The following INF2 variants were observed in gnomAD, a reference collection of about 807,000 sequenced individuals.
The protein encoded by INF2 is inverted formin 2, also known as inverted formin-2.
INF2 carries 43 observed loss-of-function variants against 123.5 expected under a neutral mutation model. That is an observed-to-expected ratio of 0.35 (90% confidence interval 0.27 to 0.45). INF2 has a LOEUF of 0.45. Ranked by LOEUF, INF2 falls within the 20% of genes least tolerant of loss-of-function variation. The pLI is 1.00. For synonymous variants in INF2, 851 were observed against 745.0 expected (o/e 1.14, Z -2.32); for missense variants, 1,453 against 1,682.7 (o/e 0.86, Z 2.39).
chr14:104,706,900 G>GC lies in INF2; in HGVS notation c.844-7dup. The GC allele has an allele frequency of 1.2e-6, 2 of 1,603,120 alleles. 1 individual carries two copies. The highest frequency in any genetic ancestry group is 2.2e-5 in the South Asian group (2 of 90,946). ...GGCTGCTGACCTGCACCCCACACTC[G>GC]CCCGTCCAGGTGAGCTGCTCCCCGG... On this transcript the variant is annotated splice_polypyrimidine_tract_variant and intron_variant, in intron 6 of 22. Transcript: ENST00000392634.
rs957948959 is a variant in INF2, at chr14:104,711,576, C to T, written c.2419-53C>T. The T allele has an allele frequency of 2.6e-6, 4 of 1,524,438 alleles. No individual in the cohort carries two copies. The South Asian group carries it at 3.4e-5, about 13-fold the overall frequency. 94.4% of individuals were successfully genotyped at this position (1,524,438 alleles called of 1,614,324 possible). On this transcript the variant is annotated intron_variant, in intron 15 of 22. Transcript: ENST00000392634. ...CTGGGGGAGTGGGAACAGGGTCATC[C>T]CCAGGTGGAGAGTATGACCACAGTG... is the stretch of plus-strand genomic sequence containing the variant.
intron 2 of INF2, among the ~76,000 whole-genome samples, chr14:104,702,376 G>T (rs574598163): frequency 6.6e-6 from 1 of 151,098 alleles, no homozygotes; most frequent in African/African-American, 2.5e-5. Flanking sequence ...GTCCTGCGCC[G>T]CTAAGCCTTT....
At chr14:104,712,577 G>A in intron 17 of INF2, 24 bp downstream of exon 17, 1 of 1,612,466 alleles carries the variant, frequency 6.2e-7, no homozygotes, top group Non-Finnish European at 8.5e-7. Context: ...TGGGCCTGGG[G>A]CTGGCGGGAG....
At position 104,692,966 on chromosome 14, in the gene INF2, G is replaced by A. The variant is rs553700490; in HGVS notation, c.-10+3227G>A. Among the ~76,000 whole-genome samples the A allele has an allele frequency of 7.9e-5, 12 of 152,350 alleles. No individual in the cohort carries two copies. In the South Asian group the frequency reaches 8.3e-4, roughly 11 times the overall value. The stretch of plus-strand genomic sequence containing the variant: ...TTCACTCCTGTTCTCACCCCAGAAG[G>A]GTGACTGGCCGTGGCTGGGGCACCC... On this transcript the variant is annotated intron_variant, in intron 1 of 22. Transcript: ENST00000392634.
At chr14:104,687,938 C>T (rs998815628), upstream of INF2, among the ~76,000 whole-genome samples, 8 of 152,350 alleles carry the variant, frequency 5.3e-5, no homozygotes, top group Middle Eastern at 3.4e-3. The surrounding 1 kb of genome is among the most constrained non-coding windows in gnomAD (Gnocchi z 5.6). Flanking sequence ...CAGCTCCCAA[C>T]GCAGATGAGT....
intron 16 of INF2, 41 bp from the exon 17 acceptor site, chr14:104,712,392 T>TCAG (rs1890095155): frequency 6.2e-7 from 1 of 1,610,310 alleles, no homozygotes; most frequent in African/African-American, 1.3e-5. Flanking sequence ...GAGGCTGACG[T>TCAG]CAGCCGTTGC....
In INF2 at chr14:104,707,562, G is replaced by T; in HGVS notation, c.1295G>T (p.Gly432Val). ...CCCCCACCCCCACCCCTGCTCCCTG[G>T]TTCCAGTGCCGAGCCCCCTCCCCCT... ...PPPPPPPLLP[G>V]SSAEPPPPPP... The change falls in exon 8 of 23, where the codon GGT (glycine) becomes GTT (valine). Residue 432 changes from glycine (G) to valine (V), a missense_variant. Gly to Val is a moderately radical substitution (Grantham distance 109). Around this residue, in one of 8 missense-constraint regions of INF2, gnomAD observed 374 missense variants for 303.7 expected, o/e 1.23. Transcript: ENST00000392634. The T allele has an allele frequency of 7.7e-7, 1 of 1,305,814 alleles. No individual in the cohort carries two copies. Among genetic ancestry groups the T allele is most frequent in the Non-Finnish European group, 1.0e-6 (1 of 996,456 alleles). The allele number at this position is 1,305,814 out of a possible 1,614,324, so 80.9% of individuals were successfully genotyped here.
chr14:104,714,638 G>A lies in INF2; in HGVS notation c.3476G>A (p.Arg1159His), dbSNP rs200591522. Residue 1159 changes from arginine (R) to histidine (H), a missense_variant, in exon 21 of 23, where the codon CGT becomes CAT. Physicochemically the swap from Arg to His is conservative, Grantham distance 29. Transcript: ENST00000392634. ...SEGLEDAVHS[R>H]GARPPAAGPG... ...GGGCTGGAGGACGCTGTCCACAGCC[G>A]TGGTGCCAGACCCCCTGCAGCAGGC... The A allele has an allele frequency of 2.1e-4, 335 of 1,612,468 alleles. No homozygotes were observed. Among genetic ancestry groups the A allele is most frequent in the Admixed American group, 6.0e-4 (36 of 60,000 alleles).
At chr14:104,706,816 T>G in intron 6 of INF2, 94 bp from the exon 7 acceptor site, 2 of 1,409,310 alleles carry the variant, frequency 1.4e-6, no homozygotes, top group Non-Finnish European at 1.9e-6. Context: ...ATAGAGGGGG[T>G]GATGGGGCTG....
chr14:104,684,289 G>C lies in INF2; in HGVS notation c.-104+2707G>C. 1 of 380,884 alleles carries C rather than the reference G, an allele frequency of 2.6e-6. No homozygotes were observed. Among genetic ancestry groups the C allele is most frequent in the Non-Finnish European group, 5.3e-6 (1 of 189,726 alleles). The allele number at this position is 380,884 out of a possible 1,614,324, so 23.6% of individuals were successfully genotyped here. A position where few individuals can be genotyped will look rare whatever the true frequency, so the allele number is the denominator to read the frequency against. ...AGCAGGGAGGTGGACTGCGTCTCCC[G>C]AGGGCCAGCACTGGCTTAGCCTGCT... is the stretch of plus-strand genomic sequence containing the variant. On this transcript the variant is annotated intron_variant, in intron 1 of 2. Transcript: ENST00000674723. The surrounding 1 kb of genome is among the most constrained non-coding windows in gnomAD (Gnocchi z 5.0).
rs767196332 is a variant in INF2, at chr14:104,701,763, C to T, written c.391+7C>T. 3 of 1,495,800 alleles carry T rather than the reference C, an allele frequency of 2.0e-6. No homozygotes were observed. Among genetic ancestry groups the T allele is most frequent in the Non-Finnish European group, 2.7e-6 (3 of 1,122,028 alleles). 92.7% of individuals were successfully genotyped at this position (1,495,800 alleles called of 1,614,324 possible). A position where few individuals can be genotyped will look rare whatever the true frequency, so the allele number is the denominator to read the frequency against. The stretch of plus-strand genomic sequence containing the variant: ...GTGCGCCAGCTCTCCCAGGGTGAGC[C>T]GCAGTGTGGGAGGGCCGCCCAGGCG... On this transcript the variant is annotated splice_region_variant and intron_variant, in intron 2 of 22. Transcript: ENST00000392634.
chr14:104,709,670 C>T lies in INF2; in HGVS notation c.2103C>T (p.Ala701=), dbSNP rs369998116. The T allele has an allele frequency of 4.2e-5, 67 of 1,612,598 alleles. No individual in the cohort carries two copies. The highest frequency in any genetic ancestry group is 6.6e-5 in the South Asian group (6 of 91,090). Residue 701 remains alanine (A), a synonymous_variant, in exon 12 of 23, where the codon GCC becomes GCT. Transcript: ENST00000392634. The part of the protein sequence containing the change: ...FTEERAKLAS[A]DHFYLLLLAI... ...AGGAGCGAGCCAAGCTGGCCAGCGC[C>T]GACCACTTCTACCTCCTCCTGCTGG...
intron 8 of INF2, 119 bp from the exon 9 acceptor site, chr14:104,708,317 A>G: frequency 3.1e-6 from 4 of 1,306,828 alleles, no homozygotes; most frequent in Non-Finnish European, 4.3e-6. Context: ...CTGGACCTGG[A>G]CCTACTGGGC....
chr14:104,683,457 G>A (rs1301033222), intron 1 of INF2, among the ~76,000 whole-genome samples: 1 of 152,156 alleles, frequency 6.6e-6, no homozygotes, highest in East Asian at 1.9e-4. Context: ...GGAGCCGTGG[G>A]GCAGGGAGGG....
chr14:104,712,424 A>C lies in INF2; in HGVS notation c.2490-9A>C. 1 of 1,612,124 alleles carries C rather than the reference A, an allele frequency of 6.2e-7. No homozygotes were observed. Among genetic ancestry groups the C allele is most frequent in the Non-Finnish European group, 8.5e-7 (1 of 1,179,618 alleles). On this transcript the variant is annotated splice_polypyrimidine_tract_variant and intron_variant, in intron 16 of 22. Coordinates refer to ENST00000392634, the MANE Select transcript of INF2 (RefSeq NM_022489.4). ...TTGCTGTCTCTGCCCGGCCCTCCTC[A>C]CCTTTCAGGATCAACCTGGAGATCA...
chr14:104,713,032 T>G (rs1455524201), intron 18 of INF2, 40 bp downstream of exon 18: 11 of 1,610,356 alleles, frequency 6.8e-6, no homozygotes, highest in African/African-American at 2.7e-5. Flanking sequence ...CTGGCTAGAG[T>G]GGGGTCCCGA....
chr14:104,705,551 T>G (rs1415740176), intron 5 of INF2, among the ~76,000 whole-genome samples: 1 of 152,104 alleles, frequency 6.6e-6, no homozygotes, highest in Non-Finnish European at 1.5e-5. Flanking sequence ...GACTGGCAAG[T>G]CCTAGGCCCA....
chr14:104,689,438 C>T (rs1306217835), upstream of INF2, among the ~76,000 whole-genome samples: 2 of 152,032 alleles, frequency 1.3e-5, no homozygotes, highest in Non-Finnish European at 2.9e-5. Context: ...AGGTTATTCA[C>T]GGGAGTGGGG....
At chr14:104,690,164 C>T (rs888518663) in intron 1 of INF2, 4 of 152,386 alleles carry the variant, frequency 2.6e-5, no homozygotes, top group Admixed American at 2.0e-4. Context: ...CCTGCGGCCC[C>T]ACCCTGACTG....
Sources: gnomAD v4.1 joint callset for allele counts (sites outside exome capture counted in the v4.1 genomes callset) on GRCh38, gnomAD v4.1.1 for gene constraint, gnomAD v4.1.1 regional missense constraint, Gnocchi (gnomAD v3.1) non-coding constraint, MANE v1.5 for transcripts, NCBI Gene and HGNC (gene_info 2026-07-23, HGNC 2026-07-21) for gene names.